HPS1: variants seen among roughly 807,000 people sequenced by gnomAD.
HPS1 encodes the protein HPS1 biogenesis of lysosomal organelles complex 3 subunit 1.
HPS1 carries 59 observed loss-of-function variants against 90.6 expected under a neutral mutation model. That is an observed-to-expected ratio of 0.65 (90% CI 0.53 to 0.81). HPS1 has a LOEUF of 0.81. Ranked by LOEUF, HPS1 falls within the 30% of genes least tolerant of loss-of-function variation. The probability of loss-of-function intolerance (pLI) is 0.00; values close to 1 mark genes in which losing one functional copy is unlikely to be tolerated. For synonymous variants in HPS1, 388 were observed against 384.4 expected, an observed-to-expected ratio of 1.01 and a Z score of -0.11; for missense variants, 849 against 896.7, an observed-to-expected ratio of 0.95 and a Z score of 0.68.
At chr10:98,443,812 C>G (rs1938913198) in intron 2 of HPS1, among the ~76,000 whole-genome samples, 1 of 152,142 alleles carries the variant, frequency 6.6e-6, no homozygotes, top group Non-Finnish European at 1.5e-5. Context: ...GGGGGTGGAT[C>G]ACCTGAAGTC....
intron 3 of HPS1, 197 bp downstream of exon 3, chr10:98,442,927 G>C (rs1938703019): frequency 1.6e-6 from 1 of 633,012 alleles, no homozygotes; most frequent in African/African-American, 1.8e-5. Context: ...TGGGGGTGGG[G>C]TCACCGAGCT....
chr10:98,425,781 C>T (rs34789949), intron 12 of HPS1, 37 bp downstream of exon 12: 1 of 1,605,784 alleles, frequency 6.2e-7, no homozygotes, highest in Non-Finnish European at 8.5e-7. Context: ...CGTGCCAACC[C>T]TAAGCATCAT....
intron 3 of HPS1, among the ~76,000 whole-genome samples, chr10:98,437,894 C>G (rs906760989): frequency 6.6e-6 from 1 of 152,182 alleles, no homozygotes; most frequent in Non-Finnish European, 1.5e-5. Flanking sequence ...GTGGAGATAA[C>G]TGAATCATGG....
chr10:98,434,456 A>G (rs568083893), intron 5 of HPS1, among the ~76,000 whole-genome samples: 39 of 149,208 alleles, frequency 2.6e-4, no homozygotes, highest in Admixed American at 1.2e-3. Context: ...GGTCGCAGCC[A>G]TCTCGGATGC....
At chr10:98,427,171 A>C in intron 11 of HPS1, 44 bp downstream of exon 11, 1 of 1,504,992 alleles carries the variant, frequency 6.6e-7, no homozygotes. Context: ...TCACTGCGGC[A>C]TCTCAGATCA....
chr10:98,443,807 T>C (rs958866329), intron 2 of HPS1, among the ~76,000 whole-genome samples: 2 of 151,602 alleles, frequency 1.3e-5, no homozygotes, highest in East Asian at 3.9e-4. Flanking sequence ...CCAAGGGGGG[T>C]GGATCACCTG....
At chr10:98,414,029 T>C (rs1843878591), downstream of HPS1, 1 of 151,984 alleles carries the variant, frequency 6.6e-6, no homozygotes. Flanking sequence ...TAAGCATGTG[T>C]ATATGTGTAT....
intron 3 of HPS1, among the ~76,000 whole-genome samples, chr10:98,438,590 C>A (rs1412831901): frequency 6.6e-6 from 1 of 152,128 alleles, no homozygotes; most frequent in Non-Finnish European, 1.5e-5. Context: ...CTTGGGTGCT[C>A]TAAAAAGCAC....
chr10:98,440,932 T>C (rs2136305517), intron 3 of HPS1, among the ~76,000 whole-genome samples: 1 of 152,292 alleles, frequency 6.6e-6, no homozygotes, highest in South Asian at 2.1e-4. Context: ...ATTATATGTA[T>C]TGACTGTTAA....
At chr10:98,421,730 A>G (rs1257895363) in intron 17 of HPS1, among the ~76,000 whole-genome samples, 2 of 152,210 alleles carry the variant, frequency 1.3e-5, no homozygotes, top group Non-Finnish European at 2.9e-5. Flanking sequence ...TATGCTAAAT[A>G]TTTGATACGT....
chr10:98,438,537 G>A (rs989523528), intron 3 of HPS1, among the ~76,000 whole-genome samples: 1 of 152,164 alleles, frequency 6.6e-6, no homozygotes, highest in Admixed American at 6.5e-5. Flanking sequence ...GAGATGATTT[G>A]GGGTGGAAGA....
At position 98,425,596 on chromosome 10, in the gene HPS1, T is replaced by C; in HGVS notation, c.1280A>G (p.Asp427Gly). The C allele has an allele frequency of 6.2e-7, 1 of 1,613,802 alleles. No homozygotes were observed. The highest frequency in any genetic ancestry group is 8.5e-7 in the Non-Finnish European group (1 of 1,179,928). The part of the protein sequence containing the change: ...ASLRSQPLVG[D>G]LRQRMDKFVK... ...AAACTTGTCCATCCTCTGGCGCAGG[T>C]CTCCCACGAGGGGCTGGGAGCGCAG... Residue 427 changes from aspartate (D) to glycine (G), a missense_variant, in exon 13 of 20, where the codon GAC (aspartate) becomes GGC (glycine). Coordinates refer to ENST00000361490, the MANE Select transcript of HPS1 (RefSeq NM_000195.5).
Position 98,425,799 on chromosome 10 carries a change from G to A in HPS1, c.1155+19C>T. 2 of 1,610,924 alleles carry A rather than the reference G, an allele frequency of 1.2e-6. No homozygotes were observed. Among genetic ancestry groups the A allele is most frequent in the Non-Finnish European group, 1.7e-6 (2 of 1,178,056 alleles). ...GCCAACCCTAAGCATCATCAGGGCA[G>A]GGTGAGGGGCTCTCCTACCCTGGTC... is the stretch of plus-strand genomic sequence containing the variant. On this transcript the variant is annotated intron_variant, in intron 12 of 19. Coordinates refer to ENST00000361490, the MANE Select transcript of HPS1 (RefSeq NM_000195.5).
Position 98,423,837 on chromosome 10 carries a change from C to A in HPS1, c.1448G>T (p.Arg483Leu). 1.2e-6 allele frequency: 2 copies of A among 1,613,898 alleles called. No homozygotes were observed. The highest frequency in any genetic ancestry group is 2.2e-5 in the East Asian group (1 of 44,870). The change falls in exon 15 of 20, where the codon CGG becomes CTG. Residue 483 changes from arginine to leucine, a missense_variant. Physicochemically the swap from Arg to Leu is moderately radical, Grantham distance 102 (BLOSUM62 -2). Transcript: ENST00000361490. Reference protein sequence around the residue: ...KLKRQLCAIYRLNFLTTAPSR... With the variant: ...KLKRQLCAIYLLNFLTTAPSR... ...GGGGGCTGTGGTCAGAAAGTTCAGC[C>A]GGTAGATGGCGCAGAGCTGCCGCTT...
At chr10:98,415,122 C>A, downstream of HPS1, 1 of 1,613,102 alleles carries the variant, frequency 6.2e-7, no homozygotes, top group Non-Finnish European at 8.5e-7. Context: ...GAGACCTCGG[C>A]CACTTGCAGC....
intron 2 of HPS1, 68 bp from the exon 3 acceptor site, chr10:98,443,308 G>C (rs1455332671): frequency 2.6e-6 from 3 of 1,143,698 alleles, no homozygotes; most frequent in Non-Finnish European, 4.0e-6. Context: ...TCTGAGTAAC[G>C]AAGAGGACCC....
chr10:98,415,692 G>A (rs1456712695), downstream of HPS1, among the ~76,000 whole-genome samples: 1 of 152,224 alleles, frequency 6.6e-6, no homozygotes, highest in Admixed American at 6.5e-5. Context: ...GCGTCACCAC[G>A]ACCAGGGCCT....
intron 2 of HPS1, 71 bp from the exon 3 acceptor site, chr10:98,443,311 G>T: frequency 9.0e-7 from 1 of 1,113,278 alleles, no homozygotes; most frequent in East Asian, 2.3e-5. Context: ...GAGTAACGAA[G>T]AGGACCCCAA....
chr10:98,421,845 T>G (rs918450872), intron 17 of HPS1, among the ~76,000 whole-genome samples: 5 of 152,186 alleles, frequency 3.3e-5, no homozygotes, highest in African/African-American at 1.2e-4. Flanking sequence ...CAAAGCCACA[T>G]AACTGGTGGG....
Sources: allele counts gnomAD v4.1 joint callset (sites outside exome capture counted in the v4.1 genomes callset), GRCh38; gene constraint gnomAD v4.1.1; transcripts MANE v1.5; gene names NCBI Gene and HGNC (gene_info 2026-07-23, HGNC 2026-07-21).